Variants in AKAP12 observed in about 807,000 individuals in gnomAD.
AKAP12 encodes A-kinase anchoring protein 12, also known as A-kinase anchor protein 12.
AKAP12 carries 32 observed loss-of-function variants against 79.9 expected under a neutral mutation model. That is an observed-to-expected ratio of 0.40 (90% CI 0.30 to 0.54). AKAP12 has a LOEUF of 0.54. AKAP12 is among the 20% of genes least tolerant of loss of function. The pLI is 0.48. For synonymous variants in AKAP12, 808 were observed against 857.0 expected, an observed-to-expected ratio of 0.94 and a Z score of 1.00; for missense variants, 2,074 against 2,177.0, an observed-to-expected ratio of 0.95 and a Z score of 0.94.
At position 151,353,511 on chromosome 6, in the gene AKAP12, C is replaced by T. The variant is rs906755573; in HGVS notation, c.5120C>T (p.Pro1707Leu). 1 of 1,614,132 alleles carries T rather than the reference C, an allele frequency of 6.2e-7. No homozygotes were observed. ...GAAAAAGGTGATGATGTTGATGACC[C>T]TGAAAACCAGAACTCAGCCCTGGCT... ...EDEKGDDVDD[P>L]ENQNSALADT... Residue 1707 changes from proline (P) to leucine (L), a missense_variant, in exon 4 of 5, where the codon CCT becomes CTT. This residue lies in a region of AKAP12 where 614 missense variants were observed against 665.6 expected (regional missense o/e 0.92). Transcript: ENST00000402676.
At chr6:151,297,856 G>T in intron 2 of AKAP12, among the ~76,000 whole-genome samples, 1 of 152,130 alleles carries the variant, frequency 6.6e-6, no homozygotes, top group South Asian at 2.1e-4. Flanking sequence ...AAAGGTGACC[G>T]TAGTGTGAGA....
At chr6:151,344,969 A>G (rs542685377) in intron 3 of AKAP12, among the ~76,000 whole-genome samples, 4 of 152,230 alleles carry the variant, frequency 2.6e-5, no homozygotes, top group Non-Finnish European at 5.9e-5. Context: ...ATAAGATTAT[A>G]TAATTGGAAG....
chr6:151,250,192 C>A (rs1797147037), intron 2 of AKAP12, among the ~76,000 whole-genome samples: 1 of 151,248 alleles, frequency 6.6e-6, no homozygotes, highest in African/African-American at 2.4e-5. Flanking sequence ...CTGCAGAGAC[C>A]CTGTCTCAAA....
chr6:151,340,750 A>G (rs1777923891), intron 3 of AKAP12, among the ~76,000 whole-genome samples: 1 of 146,408 alleles, frequency 6.8e-6, no homozygotes, highest in African/African-American at 2.7e-5. Flanking sequence ...ATTGCCAGAC[A>G]AAACCCCATT....
intron 2 of AKAP12, among the ~76,000 whole-genome samples, chr6:151,295,317 TG>T (rs2114741556): frequency 6.6e-6 from 1 of 152,366 alleles, no homozygotes; most frequent in South Asian, 2.1e-4. Flanking sequence ...ATGATTTTAG[TG>T]GATCTCTCTT....
chr6:151,266,274 T>A (rs1776014435), intron 2 of AKAP12, among the ~76,000 whole-genome samples: 1 of 152,268 alleles, frequency 6.6e-6, no homozygotes, highest in African/African-American at 2.4e-5. Context: ...CTTTCTTTTT[T>A]AAATTTTTTG....
intron 2 of AKAP12, among the ~76,000 whole-genome samples, chr6:151,277,505 A>G (rs1358675360): frequency 3.9e-5 from 6 of 152,216 alleles, no homozygotes; most frequent in African/African-American, 1.4e-4. Context: ...AAATAATTTG[A>G]AACAATACAT....
At chr6:151,259,928 A>T (rs549815257) in intron 2 of AKAP12, among the ~76,000 whole-genome samples, 37 of 151,102 alleles carry the variant, frequency 2.4e-4, no homozygotes, top group Middle Eastern at 3.4e-3. Flanking sequence ...TGCACAAAGC[A>T]TTAACAATGT....
At position 151,305,966 on chromosome 6, in the gene AKAP12, G is replaced by A. The variant is rs182961073; in HGVS notation, c.319+63G>A. 1,195 of 1,502,206 alleles carry A rather than the reference G, an allele frequency of 8.0e-4. 6 individuals are homozygous for A. The African/African-American group carries it at 0.013, about 17-fold the overall frequency. 93.1% of individuals were successfully genotyped at this position (1,502,206 alleles called of 1,614,324 possible). A position where few individuals can be genotyped will look rare whatever the true frequency, so the allele number is the denominator to read the frequency against. Reference sequence around the variant, plus strand: ...CTTGCAACAAACTTTGGACTCAGCAGAAAATACTCTGTCATACTGCCTGGT... The same window carrying A: ...CTTGCAACAAACTTTGGACTCAGCAAAAAATACTCTGTCATACTGCCTGGT... On this transcript the variant is annotated intron_variant, in intron 3 of 4. Coordinates refer to ENST00000402676, the MANE Select transcript of AKAP12 (RefSeq NM_005100.4).
At chr6:151,287,088 C>T (rs189964490) in intron 2 of AKAP12, among the ~76,000 whole-genome samples, 246 of 151,562 alleles carry the variant, frequency 1.6e-3, no homozygotes, top group African/African-American at 5.4e-3. Context: ...TACAGGCGCC[C>T]GCCACCATGC....
intron 2 of AKAP12, among the ~76,000 whole-genome samples, chr6:151,295,880 C>T (rs1046648040): frequency 2.0e-5 from 3 of 152,072 alleles, no homozygotes; most frequent in African/African-American, 4.8e-5. Flanking sequence ...AGGGAAGGGG[C>T]CACAGGGACT....
intron 2 of AKAP12, among the ~76,000 whole-genome samples, chr6:151,248,824 T>C (rs556929218): frequency 1.7e-3 from 265 of 151,980 alleles, no homozygotes; most frequent in African/African-American, 5.7e-3. Context: ...CCCATCTCTA[T>C]TAAAAATACA....
At chr6:151,347,270 A>G (rs1778125175) in intron 3 of AKAP12, among the ~76,000 whole-genome samples, 3 of 152,268 alleles carry the variant, frequency 2.0e-5, no homozygotes, top group African/African-American at 7.2e-5. Context: ...AATTTCTCCA[A>G]AGAGCTCTGG....
intron 3 of AKAP12, chr6:151,325,534 C>T (rs1251653325): frequency 1.0e-6 from 1 of 981,200 alleles, no homozygotes; most frequent in African/African-American, 1.8e-5. Flanking sequence ...CCTGCTTGTG[C>T]GGCCCGGGCG....
At chr6:151,271,325 CTT>C (rs113260783) in intron 2 of AKAP12, among the ~76,000 whole-genome samples, 10,659 of 140,902 alleles carry the variant, frequency 0.076, 527 homozygotes, top group East Asian at 0.19. Context: ...AACGAAGAAA[CTT>C]TTTTTTTTTT....
intron 3 of AKAP12, among the ~76,000 whole-genome samples, chr6:151,316,922 G>A (rs1178725136): frequency 1.3e-5 from 2 of 152,160 alleles, no homozygotes; most frequent in Non-Finnish European, 2.9e-5. Context: ...ACAGGCGTGA[G>A]CCACCACACC....
intron 3 of AKAP12, chr6:151,343,927 T>C (rs745653956): frequency 1.6e-5 from 7 of 448,426 alleles, no homozygotes; most frequent in African/African-American, 1.5e-4. Flanking sequence ...TTCAGAATAC[T>C]ATACATGCTT....
intron 3 of AKAP12, 31 bp from the exon 4 acceptor site, chr6:151,348,680 T>TTGGG: frequency 2.8e-6 from 1 of 355,200 alleles, no homozygotes. Context: ...TTTTCTCTTC[T>TTGGG]CCCCACCCCC....
chr6:151,314,306 C>T (rs975528598), intron 3 of AKAP12, among the ~76,000 whole-genome samples: 4 of 152,172 alleles, frequency 2.6e-5, no homozygotes, highest in African/African-American at 4.8e-5. Flanking sequence ...GGATTACAGG[C>T]ATGAGCCACC....
Sources: allele counts gnomAD v4.1 joint callset (sites outside exome capture counted in the v4.1 genomes callset), GRCh38; gene constraint gnomAD v4.1.1; regional missense constraint gnomAD v4.1.1; transcripts MANE v1.5; gene names NCBI Gene and HGNC (gene_info 2026-07-23, HGNC 2026-07-21).